Variants in CUX1 observed in about 807,000 individuals in gnomAD.
CUX1 encodes the protein cut like homeobox 1.
Under a neutral mutation model 158.8 loss-of-function variants are expected in CUX1, and 31 were observed. That is an observed-to-expected ratio of 0.20 (90% CI 0.15 to 0.26). The LOEUF is 0.26. Among genes scored for constraint, CUX1 ranks in the 10% least tolerant of loss-of-function variants. The pLI, the probability that CUX1 is intolerant of heterozygous loss-of-function variation, is 1.00. For missense variants in CUX1, 1,589 were observed against 2,014.6 expected (o/e 0.79, Z 4.04); for synonymous variants, 879 against 862.1 (o/e 1.02, Z -0.34).
intron 3 of CUX1, among the ~76,000 whole-genome samples, chr7:102,039,283 C>T (rs1490156970): frequency 6.6e-6 from 1 of 152,134 alleles, no homozygotes; most frequent in African/African-American, 2.4e-5. Flanking sequence ...TGGCCTCGAT[C>T]CTGGGGCCGT....
chr7:102,033,133 T>A (rs1280811005), intron 3 of CUX1, among the ~76,000 whole-genome samples: 1 of 152,098 alleles, frequency 6.6e-6, no homozygotes, highest in Non-Finnish European at 1.5e-5. Flanking sequence ...AAAAACAATC[T>A]ATGAACTAAG....
At chr7:102,111,854 T>TC in intron 7 of CUX1, 80 bp downstream of exon 7, 1 of 1,267,302 alleles carries the variant, frequency 7.9e-7, no homozygotes. Flanking sequence ...ACCGCCCCGG[T>TC]CCCCGCGGAT....
intron 8 of CUX1, among the ~76,000 whole-genome samples, chr7:102,140,928 T>A (rs1427937617): frequency 6.6e-6 from 1 of 151,906 alleles, no homozygotes; most frequent in African/African-American, 2.4e-5. Context: ...GAGGGAAAAC[T>A]TCTTGTTGCA....
chr7:102,146,779 G>T (rs1208213397), intron 8 of CUX1, among the ~76,000 whole-genome samples: 3 of 152,048 alleles, frequency 2.0e-5, no homozygotes, highest in Admixed American at 6.6e-5. Context: ...TGTATTTTTA[G>T]TAGAGATGGG....
rs1554526725 is a variant in CUX1, at chr7:102,220,936, C to A, written c.3131-6431C>A. Among the ~76,000 whole-genome samples, 7 of 152,310 alleles carry A rather than the reference C, an allele frequency of 4.6e-5. No homozygotes were observed. In the South Asian group the frequency reaches 1.5e-3, roughly 32 times the overall value. On this transcript the variant is annotated intron_variant, in intron 20 of 23. Transcript: ENST00000292535. ...GTGTTAGCAGGGCTGGCCTCAAACT[C>A]CTGACCTCAAGCGATCTGCCCACCT... is the stretch of plus-strand genomic sequence containing the variant.
intron 9 of CUX1, among the ~76,000 whole-genome samples, chr7:102,162,265 C>T (rs1485020714): frequency 2.0e-5 from 3 of 152,046 alleles, no homozygotes; most frequent in Non-Finnish European, 4.4e-5. Flanking sequence ...TAGAGGCTGG[C>T]GAGAGGAAAC....
At chr7:102,038,260 A>G (rs926303697) in intron 3 of CUX1, among the ~76,000 whole-genome samples, 8 of 152,200 alleles carry the variant, frequency 5.3e-5, no homozygotes, top group African/African-American at 1.9e-4. Context: ...TGTGCATCCC[A>G]CCGTTGTATG....
intron 23 of CUX1, among the ~76,000 whole-genome samples, chr7:102,246,124 TG>T (rs1800781989): frequency 6.6e-6 from 1 of 152,204 alleles, no homozygotes; most frequent in East Asian, 1.9e-4. Context: ...GCCTGTACTC[TG>T]GTTTTGGGTC....
intron 2 of CUX1, among the ~76,000 whole-genome samples, chr7:101,970,411 ACTGT>A (rs1811808786): frequency 6.6e-6 from 1 of 152,008 alleles, no homozygotes; most frequent in Non-Finnish European, 1.5e-5. Context: ...TAAAGGACAA[ACTGT>A]CTGATACAGG....
chr7:102,186,586 T>C (rs1290756238), intron 11 of CUX1, among the ~76,000 whole-genome samples: 1 of 122,096 alleles, frequency 8.2e-6, no homozygotes, highest in Non-Finnish European at 1.8e-5. Context: ...AGTATATATA[T>C]ATATATATAT....
intron 9 of CUX1, among the ~76,000 whole-genome samples, chr7:102,169,587 G>A (rs1791487863): frequency 1.3e-5 from 2 of 152,240 alleles, no homozygotes; most frequent in African/African-American, 4.8e-5. Flanking sequence ...CGTGGCTAGG[G>A]ACCGTGTTCC....
chr7:101,816,148 G>C (rs1467368472), upstream of CUX1: 3 of 1,092,628 alleles, frequency 2.7e-6, no homozygotes, highest in Admixed American at 3.5e-5. Context: ...GCGGGCGGTC[G>C]CGGCCTCCGC....
chr7:101,975,257 A>C (rs1360990190), intron 2 of CUX1, among the ~76,000 whole-genome samples: 1 of 147,550 alleles, frequency 6.8e-6, no homozygotes, highest in East Asian at 1.9e-4. Context: ...TCTCAAAAGG[A>C]AAAAAAAAGA....
intron 2 of CUX1, among the ~76,000 whole-genome samples, chr7:101,968,217 C>T (rs1352986306): frequency 3.3e-5 from 5 of 152,006 alleles, no homozygotes; most frequent in East Asian, 1.9e-4. Flanking sequence ...AGGGTTGTAT[C>T]GTTTGTCTTT....
chr7:101,886,434 C>T (rs1457670919), intron 1 of CUX1, among the ~76,000 whole-genome samples: 1 of 152,138 alleles, frequency 6.6e-6, no homozygotes, highest in African/African-American at 2.4e-5. Flanking sequence ...CTTCTGGGTT[C>T]AAGTGATCTG....
In CUX1 at chr7:102,250,341, G is replaced by A. The variant is rs1219812793; in HGVS notation, c.*1299G>A. ...CATCCCCAAGTAGATAGCAGTCTAC[G>A]GATCTCTCTCTGGCACAGAAGGCAC... On this transcript the variant is annotated 3_prime_UTR_variant, in exon 24 of 24. Transcript: ENST00000292535. The A allele has an allele frequency of 7.1e-6, 7 of 985,334 alleles. No homozygotes were observed. The highest frequency in any genetic ancestry group is 4.7e-5 in the South Asian group (1 of 21,292). The allele number at this position is 985,334 out of a possible 1,614,324, so 61.0% of individuals were successfully genotyped here.
At chr7:101,940,382 C>T (rs1450392901) in intron 2 of CUX1, among the ~76,000 whole-genome samples, 2 of 152,100 alleles carry the variant, frequency 1.3e-5, no homozygotes, top group Admixed American at 6.5e-5. Flanking sequence ...CCCTGACCCC[C>T]GCTGGGGGTG....
intron 4 of CUX1, among the ~76,000 whole-genome samples, chr7:102,072,057 T>C (rs1826193219): frequency 2.0e-5 from 3 of 152,084 alleles, no homozygotes; most frequent in Admixed American, 2.0e-4. Flanking sequence ...TGGATCAGAG[T>C]GTTACCACTG....
intron 2 of CUX1, among the ~76,000 whole-genome samples, chr7:102,018,665 C>T (rs1383679386): frequency 6.6e-6 from 1 of 152,208 alleles, no homozygotes; most frequent in African/African-American, 2.4e-5. Flanking sequence ...GCTCTGAGAC[C>T]AGAAGAAGCC....
Sources: allele counts gnomAD v4.1 joint callset (sites outside exome capture counted in the v4.1 genomes callset), GRCh38; gene constraint gnomAD v4.1.1; transcripts MANE v1.5; gene names NCBI Gene and HGNC (gene_info 2026-07-23, HGNC 2026-07-21).